The following TSHZ1 variants were observed in gnomAD, a reference collection of about 807,000 sequenced individuals.
TSHZ1 encodes teashirt homolog 1.
In TSHZ1, 12 loss-of-function variants were observed where a neutral mutation model predicts 67.1. The observed-to-expected ratio is 0.18, with a 90% CI of 0.11 to 0.29. The LOEUF is 0.29. Ranked by LOEUF, TSHZ1 falls within the 10% of genes least tolerant of loss-of-function variation. TSHZ1 has a pLI of 1.00. For missense variants in TSHZ1, 1,305 were observed against 1,413.9 expected (o/e 0.92, Z 1.23); for synonymous variants, 632 against 622.4 (o/e 1.02, Z -0.23).
intron 1 of TSHZ1, among the ~76,000 whole-genome samples, chr18:75,227,674 C>T (rs1315165668): frequency 6.6e-6 from 1 of 152,140 alleles, no homozygotes; most frequent in Non-Finnish European, 1.5e-5. Flanking sequence ...TTCGTACAGT[C>T]CCTACCACAC....
intron 1 of TSHZ1, among the ~76,000 whole-genome samples, chr18:75,275,827 G>C (rs189362442): frequency 4.6e-5 from 7 of 152,202 alleles, no homozygotes; most frequent in African/African-American, 1.7e-4. Flanking sequence ...TTTCCACCAT[G>C]TGTTAACATG....
intron 1 of TSHZ1, among the ~76,000 whole-genome samples, chr18:75,229,250 G>A (rs544963670): frequency 6.6e-6 from 1 of 152,372 alleles, no homozygotes; most frequent in East Asian, 1.9e-4. Flanking sequence ...GCACTGCAGA[G>A]CCTAAAAGCC....
At chr18:75,257,582 T>C (rs1164178246) in intron 1 of TSHZ1, among the ~76,000 whole-genome samples, 1 of 152,128 alleles carries the variant, frequency 6.6e-6, no homozygotes, top group African/African-American at 2.4e-5. Flanking sequence ...AAAAATTTAG[T>C]CTTCAGTTAC....
intron 1 of TSHZ1, among the ~76,000 whole-genome samples, chr18:75,270,396 A>G (rs969409724): frequency 6.6e-6 from 1 of 152,228 alleles, no homozygotes; most frequent in African/African-American, 2.4e-5. Context: ...TTATTATTCA[A>G]TGACATTTTA....
chr18:75,256,419 T>G (rs932560960), intron 1 of TSHZ1, among the ~76,000 whole-genome samples: 4 of 152,208 alleles, frequency 2.6e-5, no homozygotes, highest in Non-Finnish European at 5.9e-5. Flanking sequence ...TAGAGGGGTG[T>G]GTATAGTTAT....
At chr18:75,274,508 C>T (rs948574654) in intron 1 of TSHZ1, among the ~76,000 whole-genome samples, 6 of 152,114 alleles carry the variant, frequency 3.9e-5, no homozygotes, top group African/African-American at 1.4e-4. Flanking sequence ...ATAGGTTAAT[C>T]ACTAGAAATA....
intron 1 of TSHZ1, chr18:75,283,445 G>T (rs1039225318): frequency 6.6e-6 from 1 of 152,368 alleles, no homozygotes; most frequent in Non-Finnish European, 1.5e-5. Context: ...TTACGGGAGA[G>T]TCATAGAATC....
rs1369962563 is a variant in TSHZ1, at chr18:75,281,155, G to T, written c.41-4293G>T. ...GTCTGCTGGAAGGGAGAATGTCACG[G>T]ACCAGGAGTGGAGCGAGGTCATCTG... On this transcript the variant is annotated intron_variant, in intron 1 of 1. Transcript: ENST00000580243. The surrounding 1 kb of genome is among the most constrained non-coding windows in gnomAD (Gnocchi z 5.3). 6.6e-6 allele frequency among the ~76,000 whole-genome samples: 1 copy of T among 152,236 alleles called. No individual in the cohort carries two copies. Among genetic ancestry groups the T allele is most frequent in the African/African-American group, 2.4e-5 (1 of 41,456 alleles).
At position 75,286,147 on chromosome 18, in the gene TSHZ1, G is replaced by C; in HGVS notation, c.740G>C (p.Arg247Pro). The change falls in exon 2 of 2, where the codon CGG becomes CCG. Residue 247 changes from arginine to proline, a missense_variant. By Grantham distance (103) the Arg-to-Pro change is moderately radical (BLOSUM62 -2). Transcript: ENST00000580243. The surrounding 1 kb of genome is among the most constrained non-coding windows in gnomAD (Gnocchi z 5.1). Reference sequence around the variant, plus strand: ...GTCTTCACGGGCGCCAGCAAGTTCCGGTGCAAAGACTGCAGTGCCGCGTAC... The same window carrying C: ...GTCTTCACGGGCGCCAGCAAGTTCCCGTGCAAAGACTGCAGTGCCGCGTAC... ...GSVFTGASKF[R>P]CKDCSAAYDT... 6.2e-7 allele frequency: 1 copy of C among 1,613,548 alleles called. No individual in the cohort carries two copies. The highest frequency in any genetic ancestry group is 1.1e-5 in the South Asian group (1 of 91,068).
chr18:75,229,789 T>C (rs550081303), intron 1 of TSHZ1, among the ~76,000 whole-genome samples: 46 of 152,300 alleles, frequency 3.0e-4, no homozygotes, highest in African/African-American at 9.6e-4. Flanking sequence ...CTACCTTCCA[T>C]GTAACATCAA....
Position 75,286,371 on chromosome 18 carries a change from C to G in TSHZ1, c.964C>G (p.Leu322Val). Residue 322 changes from leucine to valine, a missense_variant, in exon 2 of 2, where the codon CTC (leucine) becomes GTC (valine). Around this residue, in one of 3 missense-constraint regions of TSHZ1, gnomAD observed 38 missense variants for 76.5 expected, o/e 0.50. Coordinates refer to ENST00000580243, the MANE Select transcript of TSHZ1 (RefSeq NM_001308210.2). This position sits in a 1 kb window ranked among gnomAD's most constrained non-coding sequence, Gnocchi z 5.1. ...CGHSFESLQD[L>V]SVHMIKTKHY... is the part of the protein sequence containing the mutation. ...ACACTCCTTTGAGTCCTTGCAGGAC[C>G]TCAGCGTCCACATGATCAAAACCAA... 1 of 1,614,138 alleles carries G rather than the reference C, an allele frequency of 6.2e-7. No individual in the cohort carries two copies. The highest frequency in any genetic ancestry group is 8.5e-7 in the Non-Finnish European group (1 of 1,180,016).
chr18:75,287,000 C>A lies in TSHZ1; in HGVS notation c.1593C>A (p.Thr531=). The A allele has an allele frequency of 6.2e-7, 1 of 1,614,014 alleles. No homozygotes were observed. The highest frequency in any genetic ancestry group is 8.5e-7 in the Non-Finnish European group (1 of 1,180,016). ...EDSLEKFEPS[T]LYPYLREEDL... is the part of the protein sequence containing the mutation. ...GCTTGGAGAAATTTGAGCCCAGCAC[C>A]CTGTACCCGTACCTGCGTGAGGAGG... Residue 531 remains threonine (T), a synonymous_variant, in exon 2 of 2, where the codon ACC becomes ACA. Coordinates refer to ENST00000580243, the MANE Select transcript of TSHZ1 (RefSeq NM_001308210.2). The surrounding 1 kb of genome is among the most constrained non-coding windows in gnomAD (Gnocchi z 5.1).
rs147673516 is a variant in TSHZ1, at chr18:75,234,095, A to T, written c.40+22179A>T. Reference sequence around the variant, plus strand: ...ATTTTAGATGGGCTCCCCTCTACACACAGAGAGAGAAGCTGAAATCTATTC... The same window carrying T: ...ATTTTAGATGGGCTCCCCTCTACACTCAGAGAGAGAAGCTGAAATCTATTC... On this transcript the variant is annotated intron_variant, in intron 1 of 1. Coordinates refer to ENST00000580243, the MANE Select transcript of TSHZ1 (RefSeq NM_001308210.2). 8.1e-4 allele frequency among the ~76,000 whole-genome samples: 123 copies of T among 152,246 alleles called. 2 individuals carry two copies. The highest frequency in any genetic ancestry group is 2.9e-3 in the African/African-American group (119 of 41,540).
Position 75,281,111 on chromosome 18 carries a change from G to T in TSHZ1, c.41-4337G>T, listed in dbSNP as rs1026991958. Among the ~76,000 whole-genome samples the T allele has an allele frequency of 1.5e-4, 23 of 152,206 alleles. No individual in the cohort carries two copies. Among genetic ancestry groups the T allele is most frequent in the Non-Finnish European group, 2.4e-4 (16 of 68,040 alleles). On this transcript the variant is annotated intron_variant, in intron 1 of 1. Coordinates refer to ENST00000580243, the MANE Select transcript of TSHZ1 (RefSeq NM_001308210.2). This position sits in a 1 kb window ranked among gnomAD's most constrained non-coding sequence, Gnocchi z 5.3. Reference sequence around the variant, plus strand: ...CAGCTTCAGCAAAGGCTTGCACTCAGGGTTGTCGGGAGCACAGCGTCTGCT... The same window carrying T: ...CAGCTTCAGCAAAGGCTTGCACTCATGGTTGTCGGGAGCACAGCGTCTGCT...
chr18:75,256,577 G>T lies in TSHZ1; in HGVS notation c.41-28871G>T, dbSNP rs375272143. ...TAATATCTATGTGTTAGTGATCATA[G>T]TGAAAGCCAGAACTGGCAATTCCCT... On this transcript the variant is annotated intron_variant, in intron 1 of 1. Coordinates refer to ENST00000580243, the MANE Select transcript of TSHZ1 (RefSeq NM_001308210.2). 2.4e-4 allele frequency among the ~76,000 whole-genome samples: 37 copies of T among 152,330 alleles called. 1 individual carries two copies. The South Asian group carries it at 5.0e-3, about 20-fold the overall frequency.
intron 1 of TSHZ1, among the ~76,000 whole-genome samples, chr18:75,250,177 C>T (rs1350483993): frequency 6.6e-6 from 1 of 150,734 alleles, no homozygotes; most frequent in Non-Finnish European, 1.5e-5. Context: ...CTCACCCCTC[C>T]AGTAGGTGGG....
At chr18:75,272,262 G>A (rs1001668129) in intron 1 of TSHZ1, among the ~76,000 whole-genome samples, 2 of 152,206 alleles carry the variant, frequency 1.3e-5, no homozygotes, top group African/African-American at 2.4e-5. Flanking sequence ...AACTGCGCCG[G>A]CACGCGAGGC....
intron 1 of TSHZ1, among the ~76,000 whole-genome samples, chr18:75,231,812 A>C (rs957062870): frequency 2.0e-5 from 3 of 151,068 alleles, no homozygotes; most frequent in African/African-American, 7.3e-5. Context: ...GGGATTGATG[A>C]TAGGTGTGTT....
chr18:75,211,345 A>G lies in TSHZ1; in HGVS notation c.-532A>G, dbSNP rs868424477. 6.6e-6 allele frequency: 1 copy of G among 152,004 alleles called. No homozygotes were observed. The allele number at this position is 152,004 out of a possible 1,614,324, so 9.4% of individuals were successfully genotyped here. On this transcript the variant is annotated 5_prime_UTR_variant, in exon 1 of 2. It removes an upstream start codon present in the reference 5' UTR. Coordinates refer to ENST00000580243, the MANE Select transcript of TSHZ1 (RefSeq NM_001308210.2). ...CCTGCATCGGCCTCGCTGGCGCACAATGAGAAAGCTGCGACCCGCGCACTA... is the reference window on the plus strand; with the variant it reads ...CCTGCATCGGCCTCGCTGGCGCACAGTGAGAAAGCTGCGACCCGCGCACTA...
Sources: allele counts gnomAD v4.1 joint callset (sites outside exome capture counted in the v4.1 genomes callset), GRCh38; gene constraint gnomAD v4.1.1; regional missense constraint gnomAD v4.1.1; non-coding constraint Gnocchi (gnomAD v3.1); transcripts MANE v1.5; gene names NCBI Gene and HGNC (gene_info 2026-07-23, HGNC 2026-07-21).